Variants in ATG10 observed in about 807,000 individuals in gnomAD.
ATG10 encodes the protein ubiquitin-like-conjugating enzyme ATG10.
Under a neutral mutation model 32.1 loss-of-function variants are expected in ATG10, and 30 were observed. The observed-to-expected ratio is 0.94, with a 90% CI of 0.70 to 1.27. The LOEUF (loss-of-function observed/expected upper bound fraction) is 1.27, where lower values mean the gene tolerates loss of function less well. Among genes scored for constraint, ATG10 ranks in the 50% most tolerant of loss-of-function variants. The pLI is 0.00. For synonymous variants in ATG10, 87 were observed against 91.5 expected, an observed-to-expected ratio of 0.95 and a Z score of 0.28; for missense variants, 233 against 262.3, an observed-to-expected ratio of 0.89 and a Z score of 0.77.
intron 3 of ATG10, among the ~76,000 whole-genome samples, chr5:82,151,384 C>T (rs973694986): frequency 6.6e-6 from 1 of 152,080 alleles, no homozygotes; most frequent in African/African-American, 2.4e-5. Flanking sequence ...TTGATGCTGG[C>T]ATTGCCACTC....
At chr5:82,035,407 A>G (rs973908036) in intron 2 of ATG10, among the ~76,000 whole-genome samples, 11 of 152,186 alleles carry the variant, frequency 7.2e-5, no homozygotes, top group Admixed American at 6.5e-5. Flanking sequence ...GCTCAATAAT[A>G]TTTATTGAAT....
At chr5:82,203,134 A>G (rs1745135766) in intron 5 of ATG10, among the ~76,000 whole-genome samples, 1 of 152,072 alleles carries the variant, frequency 6.6e-6, no homozygotes, top group Non-Finnish European at 1.5e-5. Context: ...AGGCTGAGAC[A>G]GGAGAATTGC....
intron 3 of ATG10, among the ~76,000 whole-genome samples, chr5:82,077,294 C>T (rs72776852): frequency 0.082 from 12,435 of 152,132 alleles, 745 homozygotes; most frequent in African/African-American, 0.18. Context: ...CATACCATTG[C>T]ACTCCAAGCC....
At chr5:82,103,515 G>T (rs1179996515) in intron 3 of ATG10, among the ~76,000 whole-genome samples, 1 of 152,066 alleles carries the variant, frequency 6.6e-6, no homozygotes, top group Non-Finnish European at 1.5e-5. Flanking sequence ...TTGTTAACAG[G>T]TCTATTTCTT....
intron 3 of ATG10, among the ~76,000 whole-genome samples, chr5:82,130,536 C>T (rs927055430): frequency 3.3e-5 from 5 of 152,088 alleles, no homozygotes; most frequent in African/African-American, 1.2e-4. Flanking sequence ...AGTGTAGTAT[C>T]TGGGCCTGAG....
At chr5:82,215,262 A>G (rs979747792) in intron 5 of ATG10, among the ~76,000 whole-genome samples, 5 of 152,304 alleles carry the variant, frequency 3.3e-5, no homozygotes, top group African/African-American at 9.6e-5. Context: ...AGCTTACTCT[A>G]TCAGAGCCAG....
chr5:82,117,268 A>G (rs374132892), intron 3 of ATG10, among the ~76,000 whole-genome samples: 3 of 152,156 alleles, frequency 2.0e-5, no homozygotes, highest in African/African-American at 7.2e-5. Context: ...GAATTAGGAA[A>G]TGGAATGAGG....
intron 3 of ATG10, among the ~76,000 whole-genome samples, chr5:82,069,652 A>G (rs1764057803): frequency 6.6e-6 from 1 of 152,158 alleles, no homozygotes; most frequent in Non-Finnish European, 1.5e-5. Flanking sequence ...GGTTAGAACT[A>G]TCTAGAATTT....
At chr5:82,029,494 T>G (rs1762685477) in intron 2 of ATG10, among the ~76,000 whole-genome samples, 1 of 152,142 alleles carries the variant, frequency 6.6e-6, no homozygotes, top group Non-Finnish European at 1.5e-5. Context: ...AGAATGTCAA[T>G]TATGACAGGT....
chr5:82,080,067 G>C (rs1438616213), intron 3 of ATG10, among the ~76,000 whole-genome samples: 1 of 152,180 alleles, frequency 6.6e-6, no homozygotes, highest in Admixed American at 6.5e-5. Context: ...TCTAACTGGT[G>C]TGAGATGGTA....
At chr5:82,022,697 A>G (rs376839207) in intron 2 of ATG10, among the ~76,000 whole-genome samples, 2 of 149,960 alleles carry the variant, frequency 1.3e-5, no homozygotes, top group African/African-American at 4.9e-5. Context: ...TGTTATTTAC[A>G]TATATCTCAT....
At chr5:82,153,564 G>A (rs1421719854) in intron 3 of ATG10, among the ~76,000 whole-genome samples, 1 of 152,158 alleles carries the variant, frequency 6.6e-6, no homozygotes, top group Non-Finnish European at 1.5e-5. Flanking sequence ...ATCTGGGTGG[G>A]TGTTGTGATC....
intron 2 of ATG10, among the ~76,000 whole-genome samples, chr5:82,022,389 C>T (rs997415490): frequency 8.9e-5 from 13 of 146,486 alleles, no homozygotes; most frequent in African/African-American, 3.3e-4. Context: ...AGTGCAGTGG[C>T]ATGATTTCAG....
intron 5 of ATG10, among the ~76,000 whole-genome samples, chr5:82,193,553 G>A (rs920140065): frequency 6.6e-6 from 1 of 152,122 alleles, no homozygotes; most frequent in Admixed American, 6.5e-5. Flanking sequence ...GTAGAAGGTC[G>A]CATATGGTAA....
At chr5:82,180,972 C>T (rs185019458) in intron 5 of ATG10, among the ~76,000 whole-genome samples, 2 of 152,240 alleles carry the variant, frequency 1.3e-5, no homozygotes, top group East Asian at 3.9e-4. Context: ...CATTGTTAAA[C>T]TCACCACTGA....
intron 1 of ATG10, among the ~76,000 whole-genome samples, chr5:81,975,325 TAAAA>T (rs1217387349): frequency 2.0e-5 from 3 of 152,074 alleles, no homozygotes; most frequent in Non-Finnish European, 4.4e-5. Flanking sequence ...TTCTGAAAAA[TAAAA>T]AAATATTTGG....
At chr5:81,981,176 T>C in intron 1 of ATG10, among the ~76,000 whole-genome samples, 1 of 152,220 alleles carries the variant, frequency 6.6e-6, no homozygotes, top group Non-Finnish European at 1.5e-5. Flanking sequence ...GCCAAATGTC[T>C]TGAAATCCAG....
At chr5:82,068,399 A>G (rs1764009313) in intron 3 of ATG10, among the ~76,000 whole-genome samples, 1 of 152,028 alleles carries the variant, frequency 6.6e-6, no homozygotes, top group South Asian at 2.1e-4. Context: ...GGCCTGTCAT[A>G]GGATTGGGGG....
chr5:82,214,667 C>T (rs930746833), intron 5 of ATG10, among the ~76,000 whole-genome samples: 1 of 152,122 alleles, frequency 6.6e-6, no homozygotes, highest in African/African-American at 2.4e-5. Flanking sequence ...CCCCTTGCAG[C>T]AGGGAATAAT....
Sources: gnomAD v4.1 joint callset for allele counts (sites outside exome capture counted in the v4.1 genomes callset) on GRCh38, gnomAD v4.1.1 for gene constraint, MANE v1.5 for transcripts, NCBI Gene and HGNC (gene_info 2026-07-23, HGNC 2026-07-21) for gene names.